DNAH11: variants seen among roughly 807,000 people sequenced by gnomAD.
The protein encoded by DNAH11 is dynein axonemal heavy chain 11.
In DNAH11, 442 loss-of-function variants were observed where a neutral mutation model predicts 526.0. The ratio of observed to expected loss-of-function variants is 0.84; its 90% CI spans 0.78 to 0.91. The LOEUF is 0.91. DNAH11 is among the 40% of genes least tolerant of loss of function. The pLI, the probability that DNAH11 is intolerant of heterozygous loss-of-function variation, is 0.00. For synonymous variants in DNAH11, 2,461 were observed against 1,935.9 expected, an observed-to-expected ratio of 1.27 and a Z score of -7.12; for missense variants, 6,989 against 5,448.7, an observed-to-expected ratio of 1.28 and a Z score of -8.90.
chr7:21,738,895 C>T, intron 47 of DNAH11, 29 bp downstream of exon 47: 1 of 1,498,044 alleles, frequency 6.7e-7, no homozygotes, highest in Non-Finnish European at 8.9e-7. Context: ...TTTACTCTCT[C>T]CCAAAATCTA....
At position 21,862,108 on chromosome 7, in the gene DNAH11, C is replaced by G. The variant is rs529747548; in HGVS notation, c.11373+85C>G. Reference sequence around the variant, plus strand: ...ATTATATATTTTATTTCTGCTGAAGCAAAATATAATAGACTTTTTTTTTTT... The same window carrying G: ...ATTATATATTTTATTTCTGCTGAAGGAAAATATAATAGACTTTTTTTTTTT... On this transcript the variant is annotated intron_variant, in intron 69 of 81. Transcript: ENST00000409508. 13 of 1,168,072 alleles carry G rather than the reference C, an allele frequency of 1.1e-5. No individual in the cohort carries two copies. The East Asian group carries it at 2.7e-4, about 24-fold the overall frequency. The allele number at this position is 1,168,072 out of a possible 1,614,324, so 72.4% of individuals were successfully genotyped here.
chr7:21,614,392 C>A (rs1026352516), intron 20 of DNAH11, among the ~76,000 whole-genome samples: 5 of 152,096 alleles, frequency 3.3e-5, no homozygotes, highest in Non-Finnish European at 5.9e-5. Context: ...AATGACTGAA[C>A]CTGAAGGATT....
At chr7:21,640,576 A>C (rs1348511181) in intron 28 of DNAH11, among the ~76,000 whole-genome samples, 1 of 151,920 alleles carries the variant, frequency 6.6e-6, no homozygotes, top group Non-Finnish European at 1.5e-5. Context: ...AATAATATTA[A>C]TTCCATGGGA....
Position 21,683,954 on chromosome 7 carries a change from CAA to C in DNAH11, c.5621+12_5621+13del. 6.2e-7 allele frequency: 1 copy of C among 1,611,954 alleles called. No homozygotes were observed. Among genetic ancestry groups the C allele is most frequent in the Admixed American group, 1.7e-5 (1 of 59,834 alleles). ...CTCCTCTAACTGACAGGTAACAATT[CAA>C]AGTTTCCGTCCAGATAGGAAAAACA... On this transcript the variant is annotated intron_variant, in intron 32 of 81. Transcript: ENST00000409508.
At chr7:21,743,510 G>T (rs1786009366) in intron 49 of DNAH11, among the ~76,000 whole-genome samples, 1 of 152,054 alleles carries the variant, frequency 6.6e-6, no homozygotes. Flanking sequence ...TGACAGAGGT[G>T]GTATATTGAT....
chr7:21,786,519 A>G, intron 58 of DNAH11, 105 bp from the exon 59 acceptor site: 5 of 1,379,448 alleles, frequency 3.6e-6, no homozygotes, highest in Non-Finnish European at 4.8e-6. Flanking sequence ...CTGGTTTGAT[A>G]AGGAGAAGTG....
intron 61 of DNAH11, among the ~76,000 whole-genome samples, chr7:21,792,855 AT>A (rs1240380103): frequency 6.6e-6 from 1 of 151,650 alleles, no homozygotes; most frequent in Non-Finnish European, 1.5e-5. Context: ...GATATTTTGT[AT>A]TTTTTAGTCT....
chr7:21,600,170 C>T (rs972472047), intron 15 of DNAH11, 51 bp downstream of exon 15: 3 of 1,438,694 alleles, frequency 2.1e-6, no homozygotes, highest in South Asian at 1.6e-5. Context: ...GATTCAAAAA[C>T]AAATTGTGGC....
At chr7:21,855,706 C>G (rs1369480555) in intron 68 of DNAH11, among the ~76,000 whole-genome samples, 1 of 152,226 alleles carries the variant, frequency 6.6e-6, no homozygotes, top group Non-Finnish European at 1.5e-5. Flanking sequence ...TTCTGTTCAT[C>G]TGTTCATCCG....
chr7:21,835,183 A>G (rs1183234127), intron 65 of DNAH11, among the ~76,000 whole-genome samples: 1 of 151,116 alleles, frequency 6.6e-6, no homozygotes, highest in Non-Finnish European at 1.5e-5. Context: ...TCTATCAAAC[A>G]TTTAAAGAAG....
At chr7:21,847,182 C>G (rs1477230352) in intron 66 of DNAH11, among the ~76,000 whole-genome samples, 1 of 152,108 alleles carries the variant, frequency 6.6e-6, no homozygotes, top group African/African-American at 2.4e-5. Context: ...TAAAATGTTA[C>G]TGACTTCTGC....
Position 21,686,997 on chromosome 7 carries a change from AC to A in DNAH11, c.5622-101del, listed in dbSNP as rs1379862642. Reference sequence around the variant, plus strand: ...TATATCAGTATTTTATGCTACTATCACATTCTAGAGCTTCTTAAACTTTTTT... The same window carrying A: ...TATATCAGTATTTTATGCTACTATCAATTCTAGAGCTTCTTAAACTTTTTT... On this transcript the variant is annotated intron_variant, in intron 32 of 81. Transcript: ENST00000409508. The A allele has an allele frequency of 2.8e-6, 3 of 1,069,240 alleles. No homozygotes were observed. The African/African-American group carries it at 4.8e-5, about 17-fold the overall frequency. The allele number at this position is 1,069,240 out of a possible 1,614,324, so 66.2% of individuals were successfully genotyped here.
At position 21,739,674 on chromosome 7, in the gene DNAH11, G is replaced by T; in HGVS notation, c.7914+1G>T. ...CTTCACCATCAATCCCAGGCTACAG[G>T]TAGGGTGTTGAATACTGCTCTCAAA... On this transcript the variant is annotated splice_donor_variant, in intron 48 of 81. Coordinates refer to ENST00000409508, the MANE Select transcript of DNAH11 (RefSeq NM_001277115.2). LOFTEE classifies it high-confidence loss of function. 1 of 1,609,408 alleles carries T rather than the reference G, an allele frequency of 6.2e-7. No homozygotes were observed. The highest frequency in any genetic ancestry group is 8.5e-7 in the Non-Finnish European group (1 of 1,176,784).
At chr7:21,817,664 G>A (rs1382186241) in intron 64 of DNAH11, among the ~76,000 whole-genome samples, 3 of 151,886 alleles carry the variant, frequency 2.0e-5, no homozygotes, top group African/African-American at 7.3e-5. Context: ...CTGCACTCCA[G>A]CCTGGACAAC....
In DNAH11 at chr7:21,710,631, A is replaced by G. The variant is rs755000039; in HGVS notation, c.6762A>G (p.Lys2254=). ...CAAATCTTAAGCATGATGGACCAAA[A>G]TGGATAGTCCTGGATGGCGATATTG... is the stretch of plus-strand genomic sequence containing the variant. ...EQANLKHDGP[K]WIVLDGDIDP... Residue 2254 remains lysine (K), a synonymous_variant, in exon 41 of 82, where the codon AAA becomes AAG. Coordinates refer to ENST00000409508, the MANE Select transcript of DNAH11 (RefSeq NM_001277115.2). 3.7e-6 allele frequency: 6 copies of G among 1,613,450 alleles called. No homozygotes were observed. Among genetic ancestry groups the G allele is most frequent in the Admixed American group, 3.3e-5 (2 of 59,926 alleles).
At chr7:21,634,575 C>G (rs181882443) in intron 25 of DNAH11, among the ~76,000 whole-genome samples, 442 of 152,244 alleles carry the variant, frequency 2.9e-3, no homozygotes, top group Middle Eastern at 0.01. Context: ...TAGCTAGGCT[C>G]CATGGCATTA....
chr7:21,634,464 T>A (rs963203973), intron 25 of DNAH11, among the ~76,000 whole-genome samples: 1 of 151,878 alleles, frequency 6.6e-6, no homozygotes, highest in East Asian at 1.9e-4. Context: ...CAAAGAAGAG[T>A]CAAGTATGTT....
chr7:21,753,107 A>AC (rs1403397088), intron 54 of DNAH11, among the ~76,000 whole-genome samples: 1 of 152,076 alleles, frequency 6.6e-6, no homozygotes, highest in Admixed American at 6.6e-5. Flanking sequence ...GCTCAGTATT[A>AC]CCCTTAGAGG....
chr7:21,849,368 AAACT>A (rs1583769788), intron 66 of DNAH11, among the ~76,000 whole-genome samples: 3 of 152,226 alleles, frequency 2.0e-5, no homozygotes, highest in African/African-American at 7.2e-5. Flanking sequence ...CTCAATTAAT[AAACT>A]AACATATTTT....
Sources: gnomAD v4.1 joint callset for allele counts (sites outside exome capture counted in the v4.1 genomes callset) on GRCh38, gnomAD v4.1.1 for gene constraint, MANE v1.5 for transcripts, NCBI Gene and HGNC (gene_info 2026-07-23, HGNC 2026-07-21) for gene names.